TTBK2: variants seen among roughly 807,000 people sequenced by gnomAD.
The protein encoded by TTBK2 is tau tubulin kinase 2.
TTBK2 carries 28 observed loss-of-function variants against 110.8 expected under a neutral mutation model. That is an observed-to-expected ratio of 0.25 (90% CI 0.19 to 0.35). The LOEUF (loss-of-function observed/expected upper bound fraction) is 0.35. Ranked by LOEUF, TTBK2 falls within the 10% of genes least tolerant of loss-of-function variation. The pLI, the probability that TTBK2 is intolerant of heterozygous loss-of-function variation, is 1.00. For missense variants in TTBK2, 1,369 were observed against 1,500.3 expected (o/e 0.91, Z 1.45); for synonymous variants, 532 against 527.3 (o/e 1.01, Z -0.12).
intron 13 of TTBK2, among the ~76,000 whole-genome samples, chr15:42,760,965 G>C (rs921790841): frequency 1.6e-4 from 25 of 152,168 alleles, no homozygotes; most frequent in African/African-American, 6.0e-4. Flanking sequence ...AAAACAGCAT[G>C]GTACTGGCAT....
chr15:42,770,962 CT>C (rs948774976), intron 13 of TTBK2, among the ~76,000 whole-genome samples: 1 of 149,310 alleles, frequency 6.7e-6, no homozygotes, highest in Non-Finnish European at 1.5e-5. Flanking sequence ...GGAACTATTT[CT>C]TTTTTTTCTT....
intron 3 of TTBK2, among the ~76,000 whole-genome samples, chr15:42,857,832 C>T (rs1692409146): frequency 6.6e-6 from 1 of 152,060 alleles, no homozygotes; most frequent in Non-Finnish European, 1.5e-5. Flanking sequence ...TCTGTAATCC[C>T]AGTAATTTAG....
chr15:42,763,232 T>G (rs1414676488), intron 13 of TTBK2, among the ~76,000 whole-genome samples: 1 of 71,918 alleles, frequency 1.4e-5, no homozygotes, highest in Admixed American at 1.8e-4. Flanking sequence ...TTTTTTTTTT[T>G]GAGACAGAGT....
chr15:42,775,458 G>C lies in TTBK2; in HGVS notation c.1675C>G (p.Gln559Glu). Residue 559 changes from glutamine to glutamate, a missense_variant, in exon 13 of 15, where the codon CAG becomes GAG. Physicochemically the swap from Gln to Glu is conservative, Grantham distance 29. Around this residue, in one of 4 missense-constraint regions of TTBK2, gnomAD observed 1,097 missense variants for 1,114.7 expected, o/e 0.98. Coordinates refer to ENST00000267890, the MANE Select transcript of TTBK2 (RefSeq NM_173500.4). ...SKEWVIVDKE[Q>E]DLQDFRTNEA... ...TTTGTCCTAAAATCCTGAAGGTCCT[G>C]CTCCTTGTCCACAATCACCCATTCT... is the stretch of plus-strand genomic sequence containing the variant. 1.2e-6 allele frequency: 2 copies of C among 1,614,184 alleles called. No individual in the cohort carries two copies. Among genetic ancestry groups the C allele is most frequent in the Non-Finnish European group, 1.7e-6 (2 of 1,180,022 alleles).
chr15:42,783,392 T>C, intron 11 of TTBK2, 27 bp downstream of exon 11: 1 of 1,604,650 alleles, frequency 6.2e-7, no homozygotes, highest in Non-Finnish European at 8.5e-7. Flanking sequence ...AAGAAATAAA[T>C]TTCTGTTGTT....
At chr15:42,758,604 G>A (rs549356391) in intron 13 of TTBK2, among the ~76,000 whole-genome samples, 15 of 145,562 alleles carry the variant, frequency 1.0e-4, no homozygotes, top group Non-Finnish European at 1.9e-4. Context: ...GTGGCGAGCC[G>A]AGATCGCACC....
intron 3 of TTBK2, among the ~76,000 whole-genome samples, chr15:42,856,243 C>T (rs939992963): frequency 6.6e-6 from 1 of 152,036 alleles, no homozygotes; most frequent in Admixed American, 6.6e-5. Context: ...TCTCATTAAT[C>T]CTCTAGATCT....
At chr15:42,774,052 G>A (rs984847225) in intron 13 of TTBK2, among the ~76,000 whole-genome samples, 1 of 152,220 alleles carries the variant, frequency 6.6e-6, no homozygotes. Context: ...TAACTCTGGT[G>A]AAGAAGCAGG....
In TTBK2 at chr15:42,777,380, T is replaced by G. The variant is rs959414610; in HGVS notation, c.1198-138A>C. 3.2e-5 allele frequency: 26 copies of G among 813,444 alleles called. No individual in the cohort carries two copies. In the African/African-American group the frequency reaches 3.8e-4, roughly 12 times the overall value. 50.4% of individuals were successfully genotyped at this position (813,444 alleles called of 1,614,324 possible). A position where few individuals can be genotyped will look rare whatever the true frequency, so the allele number is the denominator to read the frequency against. On this transcript the variant is annotated intron_variant, in intron 11 of 14. Coordinates refer to ENST00000267890, the MANE Select transcript of TTBK2 (RefSeq NM_173500.4). Reference sequence around the variant, plus strand: ...GATTAGGATATTTTGGCTAGTTTACTTCATTACATTCTTATCTATTAACTC... The same window carrying G: ...GATTAGGATATTTTGGCTAGTTTACGTCATTACATTCTTATCTATTAACTC...
chr15:42,862,969 G>C (rs939802624), intron 3 of TTBK2, among the ~76,000 whole-genome samples: 4 of 151,966 alleles, frequency 2.6e-5, no homozygotes, highest in African/African-American at 9.7e-5. Context: ...ATACTGAATG[G>C]GTAAAAGCTA....
At chr15:42,838,871 AGGAAT>A (rs1893104659) in intron 4 of TTBK2, among the ~76,000 whole-genome samples, 1 of 152,124 alleles carries the variant, frequency 6.6e-6, no homozygotes, top group Non-Finnish European at 1.5e-5. Flanking sequence ...AAAAAGAAAA[AGGAAT>A]GGCATTTCTC....
chr15:42,883,171 C>T (rs1297885279), intron 1 of TTBK2, among the ~76,000 whole-genome samples: 1 of 151,860 alleles, frequency 6.6e-6, no homozygotes, highest in Admixed American at 6.6e-5. Context: ...CACCTGAGGT[C>T]GGGAGTTCGA....
At chr15:42,785,941 G>A (rs1490048193) in intron 10 of TTBK2, among the ~76,000 whole-genome samples, 3 of 152,088 alleles carry the variant, frequency 2.0e-5, no homozygotes, top group African/African-American at 2.4e-5. Flanking sequence ...TGGCACTGGT[G>A]TCACGAGTAT....
intron 13 of TTBK2, among the ~76,000 whole-genome samples, chr15:42,764,607 G>A (rs1053566675): frequency 6.6e-6 from 1 of 152,250 alleles, no homozygotes; most frequent in Non-Finnish European, 1.5e-5. Context: ...AGCCAGGGAA[G>A]CTCGAACTGG....
At chr15:42,792,823 G>A (rs1016349722) in intron 10 of TTBK2, among the ~76,000 whole-genome samples, 1 of 152,162 alleles carries the variant, frequency 6.6e-6, no homozygotes, top group Admixed American at 6.5e-5. Flanking sequence ...TTACGCTGAG[G>A]ACATGGTTTT....
At chr15:42,751,685 A>G (rs965758071) in intron 14 of TTBK2, among the ~76,000 whole-genome samples, 1 of 152,256 alleles carries the variant, frequency 6.6e-6, no homozygotes, top group African/African-American at 2.4e-5. Flanking sequence ...CAGAGGTTGC[A>G]GTGAGCTGAG....
Position 42,872,631 on chromosome 15 carries a change from G to T in TTBK2, c.197C>A (p.Ala66Asp). 6.2e-7 allele frequency: 1 copy of T among 1,614,050 alleles called. No homozygotes were observed. The highest frequency in any genetic ancestry group is 8.5e-7 in the Non-Finnish European group (1 of 1,179,996). Reference sequence around the variant, plus strand: ...CTTACCTTGCAGCTTTTTCAAAACAGCAACTTCCATTTTCAGAACTTGTTT... The same window carrying T: ...CTTACCTTGCAGCTTTTTCAAAACATCAACTTCCATTTTCAGAACTTGTTT... ...QPKQVLKMEV[A>D]VLKKLQGKDH... The change falls in exon 3 of 15, where the codon GCT becomes GAT. Residue 66 changes from alanine to aspartate, a missense_variant. By Grantham distance (126) the Ala-to-Asp change is moderately radical. This residue lies in a region of TTBK2 where 122 missense variants were observed against 159.7 expected (regional missense o/e 0.76). Transcript: ENST00000267890.
chr15:42,816,889 A>G, intron 7 of TTBK2, 143 bp downstream of exon 7: 1 of 325,232 alleles, frequency 3.1e-6, no homozygotes, highest in Non-Finnish European at 4.9e-6. Flanking sequence ...ACTGCACTCC[A>G]GCCCGGGCGA....
At chr15:42,816,621 C>T (rs1595943243) in intron 7 of TTBK2, among the ~76,000 whole-genome samples, 1 of 152,004 alleles carries the variant, frequency 6.6e-6, no homozygotes, top group Admixed American at 6.6e-5. Context: ...TAAAGGGATC[C>T]TCAACTCTCA....
Sources: allele counts gnomAD v4.1 joint callset (sites outside exome capture counted in the v4.1 genomes callset), GRCh38; gene constraint gnomAD v4.1.1; regional missense constraint gnomAD v4.1.1; transcripts MANE v1.5; gene names NCBI Gene and HGNC (gene_info 2026-07-23, HGNC 2026-07-21).